SEMA4B: variants seen among roughly 807,000 people sequenced by gnomAD.
The protein encoded by SEMA4B is semaphorin-4B.
In SEMA4B, 55 loss-of-function variants were observed where a neutral mutation model predicts 88.1. The ratio of observed to expected loss-of-function variants is 0.62; its 90% CI spans 0.50 to 0.78. The LOEUF (loss-of-function observed/expected upper bound fraction) is 0.78. SEMA4B is among the 30% of genes least tolerant of loss of function. The pLI, the probability that SEMA4B is intolerant of heterozygous loss-of-function variation, is 0.00. For synonymous variants in SEMA4B, 525 were observed against 473.6 expected (o/e 1.11, Z -1.41); for missense variants, 1,062 against 1,111.9 (o/e 0.96, Z 0.64).
At chr15:90,219,524 G>A in intron 3 of SEMA4B, 1 of 453,232 alleles carries the variant, frequency 2.2e-6, no homozygotes, top group Non-Finnish European at 4.0e-6. Context: ...ACTCAAAGGG[G>A]TAGGATTCTG....
Position 90,225,174 on chromosome 15 carries a change from C to T in SEMA4B, c.1401C>T (p.Gly467=), listed in dbSNP as rs1309857851. ...ACACCTACGATGTCCTCTTCCTGGG[C>T]ACTGGTAAGTGTCTGCAGCCCAGCA... The part of the protein sequence containing the change: ...LHHTYDVLFL[G]TGDGRLHKAV... Residue 467 remains glycine, a synonymous_variant, in exon 10 of 14, where the codon GGC becomes GGT. Transcript: ENST00000411539. The T allele has an allele frequency of 6.3e-7, 1 of 1,598,008 alleles. No individual in the cohort carries two copies. The highest frequency in any genetic ancestry group is 8.5e-7 in the Non-Finnish European group (1 of 1,172,280).
At chr15:90,196,520 G>T (rs1208677615), upstream of SEMA4B, among the ~76,000 whole-genome samples, 1 of 151,422 alleles carries the variant, frequency 6.6e-6, no homozygotes, top group African/African-American at 2.4e-5. Flanking sequence ...ACAGAGTCTC[G>T]CTGTCGGTCA....
chr15:90,202,490 C>A (rs1183835894), intron 1 of SEMA4B, among the ~76,000 whole-genome samples: 2 of 152,202 alleles, frequency 1.3e-5, no homozygotes, highest in African/African-American at 4.8e-5. Flanking sequence ...TTTCAGCCCT[C>A]CGCCCTTCCC....
Position 90,229,475 on chromosome 15 carries a change from G to A in SEMA4B, c.*832G>A. 1 of 444,806 alleles carries A rather than the reference G, an allele frequency of 2.2e-6. No individual in the cohort carries two copies. The highest frequency in any genetic ancestry group is 4.5e-6 in the Non-Finnish European group (1 of 220,384). The allele number at this position is 444,806 out of a possible 1,614,324, so 27.6% of individuals were successfully genotyped here. On this transcript the variant is annotated 3_prime_UTR_variant, in exon 14 of 14. Coordinates refer to ENST00000411539, the MANE Select transcript of SEMA4B (RefSeq NM_198925.4). ...GCTCCATCTTTGAACTCAAACACGAGGAACTAACTGCACCCTGGTCCTCTC... is the reference window on the plus strand; with the variant it reads ...GCTCCATCTTTGAACTCAAACACGAAGAACTAACTGCACCCTGGTCCTCTC...
upstream of SEMA4B, chr15:90,201,293 T>G: frequency 9.0e-7 from 1 of 1,109,600 alleles, no homozygotes; most frequent in Non-Finnish European, 1.1e-6. Flanking sequence ...CCGGCCGGGC[T>G]CACGGCCGAC....
chr15:90,215,857 A>G (rs972496230), intron 1 of SEMA4B, among the ~76,000 whole-genome samples: 4 of 152,134 alleles, frequency 2.6e-5, no homozygotes, highest in African/African-American at 2.4e-5. Context: ...ACGTATATAT[A>G]TATTTTTAAG....
chr15:90,197,023 A>G (rs1212473444), upstream of SEMA4B, among the ~76,000 whole-genome samples: 1 of 152,084 alleles, frequency 6.6e-6, no homozygotes, highest in Non-Finnish European at 1.5e-5. Flanking sequence ...AAAATGTCTC[A>G]TGTTTATGTC....
chr15:90,223,536 A>C, intron 7 of SEMA4B, 23 bp from the exon 8 acceptor site: 1 of 1,552,410 alleles, frequency 6.4e-7, no homozygotes, highest in South Asian at 1.2e-5. Context: ...GCCTAAGCCC[A>C]GCCCATCCGA....
rs1962406801 is a variant in SEMA4B at position 90,229,651 on chromosome 15, T to C, written c.*1008T>C. On this transcript the variant is annotated 3_prime_UTR_variant, in exon 14 of 14. Transcript: ENST00000411539. ...CATTTTTTAATAAAGTCTGAAGAATTACTGTTTAATCCTGGCTCTTCCTCT... is the reference window on the plus strand; with the variant it reads ...CATTTTTTAATAAAGTCTGAAGAATCACTGTTTAATCCTGGCTCTTCCTCT... 6.0e-6 allele frequency: 2 copies of C among 333,508 alleles called. No homozygotes were observed. Among genetic ancestry groups the C allele is most frequent in the Admixed American group, 4.5e-5 (1 of 22,220 alleles). 20.7% of individuals were successfully genotyped at this position (333,508 alleles called of 1,614,324 possible). A position where few individuals can be genotyped will look rare whatever the true frequency, so the allele number is the denominator to read the frequency against.
Position 90,228,287 on chromosome 15 carries a change from G to A in SEMA4B, c.2158G>A (p.Val720Met). The A allele has an allele frequency of 6.3e-7, 1 of 1,590,194 alleles. No individual in the cohort carries two copies. Among genetic ancestry groups the A allele is most frequent in the Admixed American group, 1.7e-5 (1 of 57,984 alleles). Residue 720 changes from valine to methionine, a missense_variant, in exon 14 of 14, where the codon GTG becomes ATG. Transcript: ENST00000411539. ...ADRSYWKEFL[V>M]MCTLFVLAVL... ...CAGGTCCTACTGGAAGGAGTTCCTG[G>A]TGATGTGCACGCTCTTTGTGCTGGC...
chr15:90,194,273 T>G (rs1028514110), intron 1 of SEMA4B, among the ~76,000 whole-genome samples: 5 of 151,790 alleles, frequency 3.3e-5, no homozygotes, highest in African/African-American at 1.2e-4. Context: ...GGCTCACACC[T>G]GTAATCCCAG....
intron 1 of SEMA4B, chr15:90,217,144 G>A (rs1490631802): frequency 3.7e-6 from 1 of 267,212 alleles, no homozygotes; most frequent in Non-Finnish European, 7.0e-6. Flanking sequence ...AATTTATTTT[G>A]ACAAGGTCCC....
In SEMA4B at chr15:90,223,745, G is replaced by T. The variant is rs1180856948; in HGVS notation, c.1043+5G>T. 1 of 1,604,654 alleles carries T rather than the reference G, an allele frequency of 6.2e-7. No homozygotes were observed. Among genetic ancestry groups the T allele is most frequent in the Non-Finnish European group, 8.5e-7 (1 of 1,172,854 alleles). On this transcript the variant is annotated splice_donor_5th_base_variant and intron_variant, in intron 8 of 13. Transcript: ENST00000411539. ...TGGGGTCTTCACTTCCCAGTGGTAG[G>T]GCCTCCAGACCTCGCTGGAGATGGA...
intron 9 of SEMA4B, 63 bp downstream of exon 9, chr15:90,224,051 T>A (rs1047332523): frequency 6.5e-7 from 1 of 1,527,588 alleles, no homozygotes; most frequent in Non-Finnish European, 8.9e-7. Context: ...CACACCATGC[T>A]GGGAGCAAGG....
intron 5 of SEMA4B, 62 bp from the exon 6 acceptor site, chr15:90,221,305 C>A: frequency 7.1e-7 from 1 of 1,405,348 alleles, no homozygotes; most frequent in Non-Finnish European, 9.8e-7. Context: ...CACTCTGGGC[C>A]CTGAGCAGGG....
chr15:90,199,753 A>C (rs1286612345), upstream of SEMA4B, among the ~76,000 whole-genome samples: 1 of 152,022 alleles, frequency 6.6e-6, no homozygotes, highest in Non-Finnish European at 1.5e-5. Context: ...TTGAACCCAG[A>C]AGGCAGAGGT....
chr15:90,196,955 T>A (rs993610061), upstream of SEMA4B, among the ~76,000 whole-genome samples: 3 of 152,258 alleles, frequency 2.0e-5, no homozygotes, highest in African/African-American at 7.2e-5. Context: ...ATCAAGCTGG[T>A]TCCGATGTCC....
chr15:90,222,967 T>C (rs939517677), intron 7 of SEMA4B, among the ~76,000 whole-genome samples: 4 of 127,550 alleles, frequency 3.1e-5, no homozygotes, highest in South Asian at 2.3e-4. Flanking sequence ...TATATATATA[T>C]ACATTTTTTT....
At chr15:90,190,716 G>GGTGTGTGTCT (rs577301505) in intron 1 of SEMA4B, among the ~76,000 whole-genome samples, 2 of 152,040 alleles carry the variant, frequency 1.3e-5, no homozygotes, top group African/African-American at 4.8e-5. Flanking sequence ...TTGGAACCAG[G>GGTGTGTGTCT]GTGTGTGTCT....
Sources: gnomAD v4.1 joint callset for allele counts (sites outside exome capture counted in the v4.1 genomes callset) on GRCh38, gnomAD v4.1.1 for gene constraint, MANE v1.5 for transcripts, NCBI Gene and HGNC (gene_info 2026-07-23, HGNC 2026-07-21) for gene names.